LEMD1: variants seen among roughly 807,000 people sequenced by gnomAD.
LEMD1 encodes the protein LEM domain containing 1.
In LEMD1, 18 loss-of-function variants were observed where a neutral mutation model predicts 17.4. The observed-to-expected ratio is 1.04, with a 90% CI of 0.72 to 1.54. The LOEUF (loss-of-function observed/expected upper bound fraction) is 1.54, where lower values mean the gene tolerates loss of function less well. Ranked by LOEUF, LEMD1 falls within the 40% of genes most tolerant of loss-of-function variation. The probability of loss-of-function intolerance (pLI) is 0.00; values close to 1 mark genes in which losing one functional copy is unlikely to be tolerated. For synonymous variants in LEMD1, 88 were observed against 77.8 expected, an observed-to-expected ratio of 1.13 and a Z score of -0.69; for missense variants, 195 against 210.4, an observed-to-expected ratio of 0.93 and a Z score of 0.45.
chr1:205,432,458 GC>G (rs1666138429), intron 1 of LEMD1, among the ~76,000 whole-genome samples: 1 of 152,214 alleles, frequency 6.6e-6, no homozygotes, highest in Non-Finnish European at 1.5e-5. Flanking sequence ...CCTGAAAACT[GC>G]CCAGTGGTTG....
rs140616803 is a variant in LEMD1 at position 205,427,280 on chromosome 1, G to T, written c.-38-6706C>A. ...CAGTAAGCGCTCACAAGTGTGAACT[G>T]TGAGTAAGGCCTCAGTATGACAACA... On this transcript the variant is annotated intron_variant, in intron 1 of 3. Coordinates refer to the LEMD1 transcript ENST00000367154. Among the ~76,000 whole-genome samples, 195 of 152,058 alleles carry T rather than the reference G, an allele frequency of 1.3e-3. 1 individual carries two copies. The highest frequency in any genetic ancestry group is 4.6e-3 in the Admixed American group (70 of 15,262).
intron 4 of LEMD1, among the ~76,000 whole-genome samples, chr1:205,411,748 T>G (rs529377303): frequency 6.6e-6 from 1 of 151,992 alleles, no homozygotes; most frequent in East Asian, 1.9e-4. Flanking sequence ...AAAGACTGAT[T>G]CTTGGGCCCA....
intron 4 of LEMD1, chr1:205,386,769 C>G (rs1462870287): frequency 6.6e-6 from 1 of 152,180 alleles, no homozygotes; most frequent in East Asian, 1.9e-4. Context: ...CATACCCTTC[C>G]AGGAACAGGG....
chr1:205,410,796 G>C (rs976291955), intron 4 of LEMD1, among the ~76,000 whole-genome samples: 1 of 151,876 alleles, frequency 6.6e-6, no homozygotes, highest in Admixed American at 6.6e-5. Context: ...AGCTCAAGGA[G>C]GTCAAGGCTG....
In LEMD1 at chr1:205,448,898, C is replaced by A. The variant is rs987182016; in HGVS notation, c.-39+970G>T. ...AAAGGAGGGCAGCGATGAGGACCTA[C>A]CCTTTGTTTAGAGGGGTTAAATAGG... On this transcript the variant is annotated intron_variant, in intron 1 of 3. Coordinates refer to the LEMD1 transcript ENST00000367154. This position sits in a 1 kb window ranked among gnomAD's most constrained non-coding sequence, Gnocchi z 4.7. Among the ~76,000 whole-genome samples the A allele has an allele frequency of 6.6e-6, 1 of 152,100 alleles. No homozygotes were observed. Among genetic ancestry groups the A allele is most frequent in the Non-Finnish European group, 1.5e-5 (1 of 68,002 alleles).
intron 1 of LEMD1, among the ~76,000 whole-genome samples, chr1:205,428,511 C>A (rs1028563635): frequency 3.9e-5 from 6 of 152,232 alleles, no homozygotes; most frequent in Middle Eastern, 3.4e-3. Context: ...CCTCCTGAAG[C>A]GTATTGTCCT....
chr1:205,430,636 T>C (rs1666111912), intron 1 of LEMD1, among the ~76,000 whole-genome samples: 1 of 152,142 alleles, frequency 6.6e-6, no homozygotes, highest in Admixed American at 6.5e-5. Flanking sequence ...GCTCCCCAGC[T>C]AGGTGCAAAG....
intron 1 of LEMD1, among the ~76,000 whole-genome samples, chr1:205,431,967 G>A (rs573990244): frequency 1.8e-4 from 27 of 152,122 alleles, no homozygotes; most frequent in African/African-American, 6.3e-4. Flanking sequence ...CACCCACCTC[G>A]ACCTCCCAAA....
upstream of LEMD1, among the ~76,000 whole-genome samples, chr1:205,423,337 T>G (rs1666010614): frequency 1.3e-5 from 2 of 152,228 alleles, no homozygotes; most frequent in South Asian, 4.1e-4. Flanking sequence ...AATTGACACA[T>G]TTGTTTCCAT....
chr1:205,399,973 G>A (rs1664764066), intron 4 of LEMD1, among the ~76,000 whole-genome samples: 1 of 152,234 alleles, frequency 6.6e-6, no homozygotes, highest in South Asian at 2.1e-4. Context: ...GCTAACGAGT[G>A]AGGGTCTGTG....
chr1:205,396,771 A>C (rs1183900404), intron 4 of LEMD1, among the ~76,000 whole-genome samples: 1 of 152,206 alleles, frequency 6.6e-6, no homozygotes, highest in Admixed American at 6.5e-5. Context: ...AAGAAAAGGG[A>C]AAGAAGGATA....
At chr1:205,432,649 G>A (rs1024031939) in intron 1 of LEMD1, among the ~76,000 whole-genome samples, 18 of 152,190 alleles carry the variant, frequency 1.2e-4, no homozygotes, top group Non-Finnish European at 1.8e-4. Flanking sequence ...AGCTCTGTCC[G>A]TGCGTACATA....
intron 1 of LEMD1, among the ~76,000 whole-genome samples, chr1:205,431,890 T>C (rs1055655044): frequency 6.6e-6 from 1 of 152,142 alleles, no homozygotes; most frequent in Non-Finnish European, 1.5e-5. Context: ...CTAATTTTTG[T>C]ATTTTTAATA....
intron 1 of LEMD1, chr1:205,434,958 A>G (rs561627827): frequency 9.8e-5 from 15 of 152,324 alleles, no homozygotes; most frequent in African/African-American, 3.6e-4. Context: ...GGCAACCAGA[A>G]AAGTGCTTAC....
intron 4 of LEMD1, among the ~76,000 whole-genome samples, chr1:205,406,479 C>A (rs1328343751): frequency 6.6e-6 from 1 of 152,232 alleles, no homozygotes; most frequent in African/African-American, 2.4e-5. Context: ...TAGCAATCAG[C>A]GAGACTCTGT....
intron 1 of LEMD1, among the ~76,000 whole-genome samples, chr1:205,445,165 T>C (rs1280774980): frequency 1.3e-5 from 2 of 151,958 alleles, no homozygotes; most frequent in African/African-American, 4.8e-5. Flanking sequence ...GGGGGTGAAT[T>C]GGGTTTTCTC....
At chr1:205,391,504 T>C (rs1378927528) in intron 4 of LEMD1, among the ~76,000 whole-genome samples, 1 of 152,190 alleles carries the variant, frequency 6.6e-6, no homozygotes, top group African/African-American at 2.4e-5. Context: ...AAAAAATTTT[T>C]TGATGTTAAC....
At chr1:205,414,518 A>T (rs1244770674) in intron 4 of LEMD1, among the ~76,000 whole-genome samples, 2 of 151,640 alleles carry the variant, frequency 1.3e-5, no homozygotes, top group Non-Finnish European at 2.9e-5. Context: ...TCAACCTCCC[A>T]GGCTCAAGCA....
intron 4 of LEMD1, among the ~76,000 whole-genome samples, chr1:205,401,853 T>G (rs1198228791): frequency 1.3e-5 from 2 of 152,220 alleles, no homozygotes; most frequent in Non-Finnish European, 2.9e-5. Context: ...GTTTAAGTCT[T>G]TAATCCATCT....
Sources: allele counts gnomAD v4.1 joint callset (sites outside exome capture counted in the v4.1 genomes callset), GRCh38; gene constraint gnomAD v4.1.1; non-coding constraint Gnocchi (gnomAD v3.1); transcripts MANE v1.5; gene names NCBI Gene and HGNC (gene_info 2026-07-23, HGNC 2026-07-21).